SEPTIN11: variants seen among roughly 807,000 people sequenced by gnomAD.
SEPTIN11 encodes septin 11, also known as septin-11.
SEPTIN11 carries 25 observed loss-of-function variants against 51.4 expected under a neutral mutation model. The observed-to-expected ratio is 0.49, with a 90% CI of 0.35 to 0.68. The LOEUF is 0.68. Among genes scored for constraint, SEPTIN11 ranks in the 30% least tolerant of loss-of-function variants. The pLI is 0.00. For synonymous variants in SEPTIN11, 174 were observed against 184.1 expected, an observed-to-expected ratio of 0.95 and a Z score of 0.44; for missense variants, 381 against 520.8, an observed-to-expected ratio of 0.73 and a Z score of 2.61.
At chr4:76,991,771 T>C (rs140417007) in intron 1 of SEPTIN11, among the ~76,000 whole-genome samples, 107 of 152,368 alleles carry the variant, frequency 7.0e-4, no homozygotes, top group African/African-American at 2.3e-3. Flanking sequence ...ACATCTGTCC[T>C]AGCTCTACTA....
At chr4:76,976,144 T>G (rs1722489007) in intron 1 of SEPTIN11, among the ~76,000 whole-genome samples, 1 of 152,194 alleles carries the variant, frequency 6.6e-6, no homozygotes, top group Non-Finnish European at 1.5e-5. Flanking sequence ...GGTATCTACT[T>G]ATATACTTAA....
chr4:76,951,013 C>T (rs879714711), intron 1 of SEPTIN11, among the ~76,000 whole-genome samples: 7 of 152,182 alleles, frequency 4.6e-5, no homozygotes, highest in Non-Finnish European at 8.8e-5. Flanking sequence ...TTTTCTTCTT[C>T]CCTTTCCCAC....
chr4:77,036,518 A>G lies in SEPTIN11; in HGVS notation c.*2006A>G. 7.3e-7 allele frequency: 1 copy of G among 1,372,584 alleles called. No individual in the cohort carries two copies. Among genetic ancestry groups the G allele is most frequent in the Non-Finnish European group, 9.4e-7 (1 of 1,066,902 alleles). 85.0% of individuals were successfully genotyped at this position (1,372,584 alleles called of 1,614,324 possible). A position where few individuals can be genotyped will look rare whatever the true frequency, so the allele number is the denominator to read the frequency against. On this transcript the variant is annotated 3_prime_UTR_variant, in exon 10 of 10. Transcript: ENST00000264893. ...AAATTTTTTTAAAATGAGCATAACA[A>G]CGAAAGGCATCCAGCTGACTTTTTG... is the stretch of plus-strand genomic sequence containing the variant.
At chr4:76,965,079 A>C (rs1721977194) in intron 1 of SEPTIN11, among the ~76,000 whole-genome samples, 1 of 152,110 alleles carries the variant, frequency 6.6e-6, no homozygotes, top group South Asian at 2.1e-4. Flanking sequence ...GAGAGCAGAG[A>C]TATGCCTAAG....
At chr4:76,989,844 G>A (rs1723259785) in intron 1 of SEPTIN11, among the ~76,000 whole-genome samples, 1 of 152,196 alleles carries the variant, frequency 6.6e-6, no homozygotes, top group Non-Finnish European at 1.5e-5. Context: ...TAAGTGTCTA[G>A]TAGGCTATAC....
At chr4:76,970,892 T>C (rs1434377167) in intron 1 of SEPTIN11, among the ~76,000 whole-genome samples, 1 of 152,206 alleles carries the variant, frequency 6.6e-6, no homozygotes, top group Non-Finnish European at 1.5e-5. Context: ...TGGGCATCTT[T>C]CAGTATTTTC....
At chr4:76,986,631 A>G (rs1309435299) in intron 1 of SEPTIN11, among the ~76,000 whole-genome samples, 1 of 152,154 alleles carries the variant, frequency 6.6e-6, no homozygotes, top group African/African-American at 2.4e-5. Flanking sequence ...CATGTTGGGC[A>G]CCTTCCACTA....
rs888772904 is a variant in SEPTIN11, at chr4:77,037,873, TCTTC to T, written c.*3366_*3369del. ...TGTAACAGTGGGCACAGATTACTTA[TCTTC>T]CTTCTCTGCTTTGTGACTCACCAGC... On this transcript the variant is annotated 3_prime_UTR_variant, in exon 10 of 10. Transcript: ENST00000264893. 5.1e-6 allele frequency: 5 copies of T among 985,800 alleles called. No individual in the cohort carries two copies. The African/African-American group carries it at 5.2e-5, about 10-fold the overall frequency. The allele number at this position is 985,800 out of a possible 1,614,324, so 61.1% of individuals were successfully genotyped here. A position where few individuals can be genotyped will look rare whatever the true frequency, so the allele number is the denominator to read the frequency against.
chr4:76,973,246 A>G (rs2703109), intron 1 of SEPTIN11, among the ~76,000 whole-genome samples: 134,747 of 152,178 alleles, frequency 0.89, 60,031 homozygotes, highest in African/African-American at 0.97. Flanking sequence ...GCTTTTCTAC[A>G]TTCGCTTTGC....
chr4:77,016,635 T>TATATATATATATATATACAC (rs1725301439), intron 5 of SEPTIN11, among the ~76,000 whole-genome samples: 2 of 54,964 alleles, frequency 3.6e-5, no homozygotes, highest in African/African-American at 1.3e-4. Flanking sequence ...TATATACACA[T>TATATATATATATATATACAC]ATATATATAT....
intron 1 of SEPTIN11, among the ~76,000 whole-genome samples, chr4:76,955,022 A>AAT (rs1721501605): frequency 6.6e-6 from 1 of 152,138 alleles, no homozygotes; most frequent in African/African-American, 2.4e-5. Context: ...AGGAAATGAA[A>AAT]ATATATATAG....
At chr4:77,026,893 A>T (rs1726188349) in intron 7 of SEPTIN11, among the ~76,000 whole-genome samples, 1 of 152,196 alleles carries the variant, frequency 6.6e-6, no homozygotes, top group Non-Finnish European at 1.5e-5. Context: ...ACACTTCTCT[A>T]TATCTCCATT....
chr4:76,985,891 A>C (rs1297655103), intron 1 of SEPTIN11, among the ~76,000 whole-genome samples: 1 of 152,236 alleles, frequency 6.6e-6, no homozygotes, highest in Non-Finnish European at 1.5e-5. Context: ...GGCAGCGTTA[A>C]GAGAAATATC....
chr4:76,987,179 C>A (rs990191168), intron 1 of SEPTIN11, among the ~76,000 whole-genome samples: 1 of 152,186 alleles, frequency 6.6e-6, no homozygotes, highest in Non-Finnish European at 1.5e-5. Flanking sequence ...CTCCTGGATG[C>A]TCCTCCTTAG....
At chr4:76,987,301 G>A (rs1054740596) in intron 1 of SEPTIN11, among the ~76,000 whole-genome samples, 2 of 152,116 alleles carry the variant, frequency 1.3e-5, no homozygotes, top group Non-Finnish European at 2.9e-5. Context: ...TCTGCTGCTT[G>A]TGTGAGACAA....
chr4:77,016,617 T>C (rs13136597), intron 5 of SEPTIN11, among the ~76,000 whole-genome samples: 1,922 of 47,960 alleles, frequency 0.04, 49 homozygotes, highest in African/African-American at 0.063. Context: ...TATATACACA[T>C]ATATATATAT....
chr4:77,022,295 G>A (rs1725773154), intron 7 of SEPTIN11, among the ~76,000 whole-genome samples: 1 of 152,146 alleles, frequency 6.6e-6, no homozygotes, highest in Admixed American at 6.5e-5. Flanking sequence ...AGAGCACTGG[G>A]CTAGGAGTCA....
chr4:77,023,269 TACACACAC>T (rs61693678), intron 7 of SEPTIN11, among the ~76,000 whole-genome samples: 14,931 of 139,196 alleles, frequency 0.11, 930 homozygotes, highest in Middle Eastern at 0.16. Context: ...GGAAAATGTA[TACACACAC>T]ACACACACAC....
At chr4:76,975,311 CTA>C (rs1722445493) in intron 1 of SEPTIN11, among the ~76,000 whole-genome samples, 1 of 152,058 alleles carries the variant, frequency 6.6e-6, no homozygotes, top group South Asian at 2.1e-4. Context: ...TTTACTATGA[CTA>C]TGTCAGCTTG....
Sources: gnomAD v4.1 joint callset for allele counts (sites outside exome capture counted in the v4.1 genomes callset) on GRCh38, gnomAD v4.1.1 for gene constraint, MANE v1.5 for transcripts, NCBI Gene and HGNC (gene_info 2026-07-23, HGNC 2026-07-21) for gene names.